The following MAP3K2 variants were observed in gnomAD, a reference collection of about 807,000 sequenced individuals.
MAP3K2 encodes mitogen-activated protein kinase kinase kinase 2, also known as MAP/ERK kinase kinase 2.
A neutral mutation model predicts 80.3 loss-of-function variants in MAP3K2; 24 were observed. The observed-to-expected ratio is 0.30, with a 90% CI of 0.22 to 0.42. The LOEUF (loss-of-function observed/expected upper bound fraction) is 0.42. MAP3K2 is among the 10% of genes least tolerant of loss of function. The probability of loss-of-function intolerance (pLI) is 1.00; values close to 1 mark genes in which losing one functional copy is unlikely to be tolerated. For synonymous variants in MAP3K2, 244 were observed against 253.7 expected (o/e 0.96, Z 0.36); for missense variants, 608 against 750.1 (o/e 0.81, Z 2.21).
At chr2:127,319,539 G>A (rs1685972313) in intron 12 of MAP3K2, among the ~76,000 whole-genome samples, 1 of 150,746 alleles carries the variant, frequency 6.6e-6, no homozygotes, top group South Asian at 2.1e-4. Flanking sequence ...GGGCGCAGTG[G>A]CTCACCTGTA....
At chr2:127,344,605 C>T (rs961203167) in intron 1 of MAP3K2, among the ~76,000 whole-genome samples, 2 of 151,930 alleles carry the variant, frequency 1.3e-5, no homozygotes, top group South Asian at 2.1e-4. Flanking sequence ...GGGAGGTCAA[C>T]GCTGCAGTGA....
At chr2:127,348,078 TC>T (rs1346105833) in intron 1 of MAP3K2, among the ~76,000 whole-genome samples, 1 of 152,098 alleles carries the variant, frequency 6.6e-6, no homozygotes, top group African/African-American at 2.4e-5. Context: ...ATGTCCTATA[TC>T]CATATGATGA....
At chr2:127,371,953 G>A (rs1687072565) in intron 1 of MAP3K2, among the ~76,000 whole-genome samples, 1 of 152,220 alleles carries the variant, frequency 6.6e-6, no homozygotes, top group Non-Finnish European at 1.5e-5. Context: ...CTGGGGCAAT[G>A]TCAGTGGCTT....
At chr2:127,353,437 G>C (rs1686737064) in intron 1 of MAP3K2, among the ~76,000 whole-genome samples, 1 of 151,700 alleles carries the variant, frequency 6.6e-6, no homozygotes, top group Non-Finnish European at 1.5e-5. Flanking sequence ...CGCCCCGTCT[G>C]AGAAGTGAGG....
intron 1 of MAP3K2, among the ~76,000 whole-genome samples, chr2:127,386,612 ATTTT>A (rs1183134593): frequency 6.6e-6 from 1 of 152,164 alleles, no homozygotes; most frequent in Non-Finnish European, 1.5e-5. Flanking sequence ...TGAGAGAATA[ATTTT>A]TTTCTGTCCA....
Position 127,308,617 on chromosome 2 carries a change from A to G in MAP3K2, c.1602T>C (p.Ser534=). The G allele has an allele frequency of 6.3e-7, 1 of 1,596,198 alleles. No homozygotes were observed. ...CTGCTTTTCTTCCATAGCCTTCTCCACTGATGACTTCAGGGCTCATCCAGT... is the reference window on the plus strand; with the variant it reads ...CTGCTTTTCTTCCATAGCCTTCTCCGCTGATGACTTCAGGGCTCATCCAGT... ...TPYWMSPEVI[S]GEGYGRKADI... The change falls in exon 16 of 17, where the codon AGT becomes AGC. Residue 534 remains serine (S), a synonymous_variant. Transcript: ENST00000682094.
rs1685578106 is a variant in MAP3K2, at chr2:127,300,835, AGGTG to A, written c.*6740_*6743del. 3 of 152,196 alleles carry A rather than the reference AGGTG, an allele frequency of 2.0e-5. No homozygotes were observed. The highest frequency in any genetic ancestry group is 6.5e-5 in the Admixed American group (1 of 15,272). 9.4% of individuals were successfully genotyped at this position (152,196 alleles called of 1,614,324 possible). The stretch of plus-strand genomic sequence containing the variant: ...TCAACTAGTCCTCTCTTCTTATTCC[AGGTG>A]GAAAAAATTCTTTGGAAAAGTAAGA... On this transcript the variant is annotated 3_prime_UTR_variant, in exon 17 of 17. Coordinates refer to ENST00000682094, the MANE Select transcript of MAP3K2 (RefSeq NM_001371910.2).
chr2:127,348,375 G>A (rs1686634689), intron 1 of MAP3K2, among the ~76,000 whole-genome samples: 4 of 152,110 alleles, frequency 2.6e-5, no homozygotes. Context: ...ACAACAGAGT[G>A]AGACTTCATC....
Position 127,333,301 on chromosome 2 carries a change from CA to C in MAP3K2, c.264+2568del, listed in dbSNP as rs777243364. Among the ~76,000 whole-genome samples, 427 of 151,574 alleles carry C rather than the reference CA, an allele frequency of 2.8e-3. 1 individual carries two copies. The highest frequency in any genetic ancestry group is 0.01 in the Middle Eastern group (3 of 294). On this transcript the variant is annotated intron_variant, in intron 5 of 16. Coordinates refer to ENST00000682094, the MANE Select transcript of MAP3K2 (RefSeq NM_001371910.2). ...TAACACACACACACACACACACACA[CA>C]CACCCCTTATTAAAGAGAAGCCAAA...
intron 13 of MAP3K2, 128 bp downstream of exon 13, chr2:127,318,036 TAAAGA>T (rs1316172473): frequency 9.0e-6 from 7 of 777,204 alleles, no homozygotes; most frequent in Admixed American, 3.9e-5. Flanking sequence ...TAATTTATAC[TAAAGA>T]AAACTGCTTT....
intron 1 of MAP3K2, among the ~76,000 whole-genome samples, chr2:127,381,989 TAAA>T (rs1183039128): frequency 2.0e-5 from 3 of 151,922 alleles, no homozygotes; most frequent in Non-Finnish European, 4.4e-5. Context: ...CTTGATCTCT[TAAA>T]AAAAATCATT....
chr2:127,338,840 G>T, intron 3 of MAP3K2, 92 bp downstream of exon 3: 1 of 827,762 alleles, frequency 1.2e-6, no homozygotes, highest in Non-Finnish European at 1.9e-6. Flanking sequence ...TGATTCGAAA[G>T]TGTAAAAGCT....
intron 1 of MAP3K2, among the ~76,000 whole-genome samples, chr2:127,386,612 AT>A (rs1183134593): frequency 1.3e-5 from 2 of 152,164 alleles, no homozygotes; most frequent in Non-Finnish European, 1.5e-5. Context: ...TGAGAGAATA[AT>A]TTTTTTCTGT....
At chr2:127,314,655 G>A in intron 15 of MAP3K2, 99 bp downstream of exon 15, 1 of 945,216 alleles carries the variant, frequency 1.1e-6, no homozygotes, top group Middle Eastern at 3.3e-4. Flanking sequence ...GTATTTCAGA[G>A]ACAGATGAAT....
At chr2:127,361,181 C>G (rs1378199982) in intron 1 of MAP3K2, among the ~76,000 whole-genome samples, 2 of 151,806 alleles carry the variant, frequency 1.3e-5, no homozygotes, top group Admixed American at 1.3e-4. Flanking sequence ...GGCATGGTGG[C>G]AGGCGCCTGT....
intron 1 of MAP3K2, among the ~76,000 whole-genome samples, chr2:127,385,245 C>G (rs910507371): frequency 1.3e-5 from 2 of 152,144 alleles, no homozygotes; most frequent in African/African-American, 4.8e-5. Context: ...ATTGCCTCAG[C>G]CATCCCAAAC....
At chr2:127,344,671 T>C (rs1315762731) in intron 1 of MAP3K2, among the ~76,000 whole-genome samples, 1 of 152,008 alleles carries the variant, frequency 6.6e-6, no homozygotes, top group Non-Finnish European at 1.5e-5. Context: ...CGAAAACATT[T>C]AAAAAATTGT....
In MAP3K2 at chr2:127,364,713, C is replaced by A. The variant is rs756653996; in HGVS notation, c.-65-21519G>T. ...ACTACAATAACCTCAAATATAGGAA[C>A]TATGTCTTCTACTTTATTCTGCACT... is the stretch of plus-strand genomic sequence containing the variant. On this transcript the variant is annotated intron_variant, in intron 1 of 16. Transcript: ENST00000682094. This position sits in a 1 kb window ranked among gnomAD's most constrained non-coding sequence, Gnocchi z 4.1. Among the ~76,000 whole-genome samples, 1 of 152,174 alleles carries A rather than the reference C, an allele frequency of 6.6e-6. No individual in the cohort carries two copies. The highest frequency in any genetic ancestry group is 1.5e-5 in the Non-Finnish European group (1 of 68,032).
intron 1 of MAP3K2, among the ~76,000 whole-genome samples, chr2:127,360,691 A>T (rs1032443381): frequency 7.2e-5 from 11 of 152,132 alleles, no homozygotes; most frequent in African/African-American, 2.6e-4. Context: ...CACAAATCTC[A>T]TTACTCTGCA....
Sources: allele counts gnomAD v4.1 joint callset (sites outside exome capture counted in the v4.1 genomes callset), GRCh38; gene constraint gnomAD v4.1.1; non-coding constraint Gnocchi (gnomAD v3.1); transcripts MANE v1.5; gene names NCBI Gene and HGNC (gene_info 2026-07-23, HGNC 2026-07-21).